Variants in CYLC2 observed in about 807,000 individuals in gnomAD.
CYLC2 encodes cylicin-2.
A neutral mutation model predicts 26.1 loss-of-function variants in CYLC2; 30 were observed. The observed-to-expected ratio is 1.15, with a 90% CI of 0.86 to 1.56. The LOEUF (loss-of-function observed/expected upper bound fraction) is 1.56, where lower values mean the gene tolerates loss of function less well. Ranked by LOEUF, CYLC2 falls within the 40% of genes most tolerant of loss-of-function variation. CYLC2 has a pLI of 0.00. For synonymous variants in CYLC2, 158 were observed against 132.8 expected (o/e 1.19, Z -1.31); for missense variants, 498 against 394.4 (o/e 1.26, Z -2.23).
chr9:103,012,341 C>G (rs1829416265), intron 6 of CYLC2, among the ~76,000 whole-genome samples: 1 of 152,050 alleles, frequency 6.6e-6, no homozygotes, highest in African/African-American at 2.4e-5. Context: ...ATATCATGTT[C>G]CTTCAGGTCC....
At position 103,005,482 on chromosome 9, in the gene CYLC2, C is replaced by T. The variant is rs778748789; in HGVS notation, c.851C>T (p.Ser284Leu). 6.2e-7 allele frequency: 1 copy of T among 1,613,494 alleles called. No homozygotes were observed. The highest frequency in any genetic ancestry group is 1.1e-5 in the South Asian group (1 of 91,000). Residue 284 changes from serine to leucine, a missense_variant, in exon 5 of 8, where the codon TCA (serine) becomes TTA (leucine). Transcript: ENST00000374798. ...AAGCCCAGTAGTACAGACAGTGACT[C>T]AAAGGATGATGTCAAGAAAGAGTCT... ...KKKPSSTDSD[S>L]KDDVKKESKK...
Position 103,005,827 on chromosome 9 carries a change from G to T in CYLC2, c.*149G>T. 2 of 810,792 alleles carry T rather than the reference G, an allele frequency of 2.5e-6. No homozygotes were observed. The highest frequency in any genetic ancestry group is 1.7e-5 in the African/African-American group (1 of 58,452). 50.2% of individuals were successfully genotyped at this position (810,792 alleles called of 1,614,324 possible). ...AGGTGGTAAAGAAGGATACAAAGGA[G>T]AACTCAGCAGAGATTTATAAAAATA... On this transcript the variant is annotated 3_prime_UTR_variant, in exon 5 of 8. Coordinates refer to ENST00000374798, the MANE Select transcript of CYLC2 (RefSeq NM_001340.5).
chr9:103,008,813 C>A (rs181429502), intron 5 of CYLC2, among the ~76,000 whole-genome samples: 3 of 152,258 alleles, frequency 2.0e-5, no homozygotes, highest in African/African-American at 7.2e-5. Context: ...CCAAAGCCCT[C>A]TAAGTGCAGG....
At chr9:103,012,858 G>A (rs1829422320) in intron 6 of CYLC2, among the ~76,000 whole-genome samples, 1 of 151,128 alleles carries the variant, frequency 6.6e-6, no homozygotes, top group Non-Finnish European at 1.5e-5. Context: ...TTTACGGTAG[G>A]CAAAATCAAA....
intron 1 of CYLC2, among the ~76,000 whole-genome samples, chr9:102,998,376 C>G (rs1383833842): frequency 6.6e-6 from 1 of 151,666 alleles, no homozygotes; most frequent in Non-Finnish European, 1.5e-5. Context: ...AAGGGATATA[C>G]TAAGTTTATT....
At chr9:102,997,347 C>CCTTGCAG (rs1357248206) in intron 1 of CYLC2, among the ~76,000 whole-genome samples, 4 of 151,940 alleles carry the variant, frequency 2.6e-5, no homozygotes, top group African/African-American at 4.8e-5. Context: ...AAAATGTCTT[C>CCTTGCAG]AGACATTGCA....
intron 6 of CYLC2, among the ~76,000 whole-genome samples, chr9:103,015,402 T>A (rs1401331624): frequency 7.7e-6 from 1 of 130,542 alleles, no homozygotes; most frequent in Non-Finnish European, 1.6e-5. Flanking sequence ...TATATATGCT[T>A]ATTATATATT....
chr9:103,011,271 T>C (rs1023184549), intron 5 of CYLC2, among the ~76,000 whole-genome samples: 1 of 152,160 alleles, frequency 6.6e-6, no homozygotes, highest in African/African-American at 2.4e-5. Context: ...TGTAAGCTGT[T>C]TGAAGATTTT....
intron 5 of CYLC2, among the ~76,000 whole-genome samples, chr9:103,006,944 G>A (rs941268015): frequency 2.6e-4 from 40 of 152,062 alleles, no homozygotes; most frequent in African/African-American, 9.4e-4. Flanking sequence ...TGATAACCAT[G>A]TGAGGTGATG....
At chr9:103,013,907 T>C (rs1179190783) in intron 6 of CYLC2, among the ~76,000 whole-genome samples, 1 of 114,284 alleles carries the variant, frequency 8.8e-6, no homozygotes, top group African/African-American at 3.6e-5. Flanking sequence ...TATATAATAT[T>C]ATATTATACA....
intron 5 of CYLC2, among the ~76,000 whole-genome samples, chr9:103,011,181 TTTG>T (rs1829403031): frequency 1.3e-5 from 2 of 152,138 alleles, no homozygotes; most frequent in South Asian, 4.1e-4. Context: ...AATAAAAGGC[TTTG>T]TTTTTATTAT....
chr9:103,009,734 C>G (rs1171754913), intron 5 of CYLC2, among the ~76,000 whole-genome samples: 1 of 152,014 alleles, frequency 6.6e-6, no homozygotes, highest in Non-Finnish European at 1.5e-5. Flanking sequence ...TTTCCAGACT[C>G]TGATAACCAT....
At chr9:102,998,323 A>G (rs1322693380) in intron 1 of CYLC2, among the ~76,000 whole-genome samples, 1 of 151,896 alleles carries the variant, frequency 6.6e-6, no homozygotes, top group East Asian at 1.9e-4. Flanking sequence ...TAAAATTGTG[A>G]AAATACATTT....
At chr9:103,009,987 ATG>A (rs916749333) in intron 5 of CYLC2, among the ~76,000 whole-genome samples, 4 of 72,768 alleles carry the variant, frequency 5.5e-5, no homozygotes, top group African/African-American at 2.1e-4. Flanking sequence ...TACATTTTAC[ATG>A]TATGTGTATA....
intron 6 of CYLC2, among the ~76,000 whole-genome samples, chr9:103,013,302 T>C (rs1331402615): frequency 1.0e-5 from 1 of 99,438 alleles, no homozygotes; most frequent in Non-Finnish European, 1.8e-5. Flanking sequence ...TATATTTACA[T>C]GTTATATGTT....
At chr9:103,016,866 A>G (rs1301292665) in intron 6 of CYLC2, 22 bp from the exon 7 acceptor site, 2 of 151,964 alleles carry the variant, frequency 1.3e-5, no homozygotes, top group Non-Finnish European at 2.9e-5. Context: ...TACATAAGAG[A>G]TAAACTTTTT....
chr9:102,998,652 T>C (rs141645573), intron 1 of CYLC2, among the ~76,000 whole-genome samples: 1 of 152,058 alleles, frequency 6.6e-6, no homozygotes, highest in East Asian at 1.9e-4. Flanking sequence ...TGATTCTTAC[T>C]AAAAATGCAA....
chr9:103,014,276 A>G (rs1829461007), intron 6 of CYLC2, among the ~76,000 whole-genome samples: 1 of 130,838 alleles, frequency 7.6e-6, no homozygotes, highest in Non-Finnish European at 1.5e-5. Flanking sequence ...CATTAAATAT[A>G]TTACATAGTA....
chr9:103,005,377 A>T lies in CYLC2; in HGVS notation c.746A>T (p.Lys249Ile). 5 of 1,614,036 alleles carry T rather than the reference A, an allele frequency of 3.1e-6. No individual in the cohort carries two copies. The highest frequency in any genetic ancestry group is 4.2e-6 in the Non-Finnish European group (5 of 1,180,000). ...ADEKKDEDGK[K>I]DANKGDESKD... The stretch of plus-strand genomic sequence containing the variant: ...GAAAAGAAGGATGAGGATGGAAAAA[A>T]AGATGCAAACAAAGGTGATGAATCG... Residue 249 changes from lysine (K) to isoleucine (I), a missense_variant, in exon 5 of 8, where the codon AAA becomes ATA. Physicochemically the swap from Lys to Ile is moderately radical, Grantham distance 102. Transcript: ENST00000374798.
Sources: gnomAD v4.1 joint callset for allele counts (sites outside exome capture counted in the v4.1 genomes callset) on GRCh38, gnomAD v4.1.1 for gene constraint, MANE v1.5 for transcripts, NCBI Gene and HGNC (gene_info 2026-07-23, HGNC 2026-07-21) for gene names.